The following GRM4 variants were observed in gnomAD, a reference collection of about 807,000 sequenced individuals.
GRM4 encodes the protein glutamate metabotropic receptor 4.
GRM4 carries 28 observed loss-of-function variants against 81.7 expected under a neutral mutation model. The ratio of observed to expected loss-of-function variants is 0.34; its 90% CI spans 0.25 to 0.47. GRM4 has a LOEUF of 0.47. Ranked by LOEUF, GRM4 falls within the 20% of genes least tolerant of loss-of-function variation. GRM4 has a pLI of 1.00. For synonymous variants in GRM4, 488 were observed against 528.8 expected (o/e 0.92, Z 1.06); for missense variants, 948 against 1,290.0 (o/e 0.73, Z 4.06).
intron 8 of GRM4, among the ~76,000 whole-genome samples, chr6:34,038,743 G>T (rs2499676): frequency 0.37 from 56,282 of 152,072 alleles, 13,930 homozygotes; most frequent in African/African-American, 0.71. Context: ...GAGGGCATTG[G>T]GAGCTGCATC....
chr6:34,036,269 T>C lies in GRM4; in HGVS notation c.1841A>G (p.Asp614Gly). ...GCCCGAGGCCTTGACGATGGGCGTG[T>C]CGTTGTAGCGCACAAAGGTGATCAC... ...FVVITFVRYN[D>G]TPIVKASGRE... Residue 614 changes from aspartate to glycine, a missense_variant, in exon 9 of 11, where the codon GAC becomes GGC. Transcript: ENST00000538487. This position sits in a 1 kb window ranked among gnomAD's most constrained non-coding sequence, Gnocchi z 9.0. The C allele has an allele frequency of 6.2e-7, 1 of 1,614,090 alleles. No homozygotes were observed. The highest frequency in any genetic ancestry group is 8.5e-7 in the Non-Finnish European group (1 of 1,180,006).
chr6:34,127,562 A>G (rs149219659), intron 2 of GRM4, among the ~76,000 whole-genome samples: 1 of 152,316 alleles, frequency 6.6e-6, no homozygotes, highest in African/African-American at 2.4e-5. Context: ...AGTGGATTCC[A>G]TCTGGGTTTT....
chr6:34,027,979 G>A, intron 10 of GRM4, 141 bp downstream of exon 10: 2 of 917,924 alleles, frequency 2.2e-6, no homozygotes, highest in South Asian at 1.7e-5. Context: ...TAGCCTCAGG[G>A]TTCCCCCAGT....
chr6:34,076,773 G>A (rs1324926489), intron 3 of GRM4, among the ~76,000 whole-genome samples: 1 of 152,148 alleles, frequency 6.6e-6, no homozygotes, highest in African/African-American at 2.4e-5. Flanking sequence ...TGAGCCTTGA[G>A]CTGAAGAAGT....
chr6:34,105,533 G>C (rs375973265), intron 2 of GRM4, among the ~76,000 whole-genome samples: 20 of 152,030 alleles, frequency 1.3e-4, no homozygotes, highest in Admixed American at 2.6e-4. Flanking sequence ...TTCCTTTGCT[G>C]TCCTGCCTCC....
chr6:34,059,330 C>T lies in GRM4; in HGVS notation c.873-202G>A, dbSNP rs557735636. The T allele has an allele frequency of 8.4e-6, 5 of 596,402 alleles. No individual in the cohort carries two copies. In the East Asian group the frequency reaches 1.4e-4, roughly 17 times the overall value. The allele number at this position is 596,402 out of a possible 1,614,324, so 36.9% of individuals were successfully genotyped here. A position where few individuals can be genotyped will look rare whatever the true frequency, so the allele number is the denominator to read the frequency against. ...CTGCTCATAGACCCATGGCTACCGC[C>T]TCATCCAACCTGCCTGCCCCTGGGC... On this transcript the variant is annotated intron_variant, in intron 4 of 10. Coordinates refer to ENST00000538487, the MANE Select transcript of GRM4 (RefSeq NM_000841.4). The surrounding 1 kb of genome is among the most constrained non-coding windows in gnomAD (Gnocchi z 5.7).
intron 3 of GRM4, chr6:34,091,572 A>C (rs937033): frequency 0.16 from 56,984 of 348,896 alleles, 7,419 homozygotes; most frequent in African/African-American, 0.44. Flanking sequence ...CCTCGTCCCC[A>C]CCCCATCCCT....
intron 2 of GRM4, among the ~76,000 whole-genome samples, chr6:34,094,727 C>T (rs1768417366): frequency 2.0e-5 from 3 of 152,318 alleles, no homozygotes; most frequent in East Asian, 1.9e-4. Context: ...CCTGCCTCCA[C>T]GCCCCTCCTG....
intron 2 of GRM4, among the ~76,000 whole-genome samples, chr6:34,108,018 C>T (rs1328779839): frequency 2.0e-5 from 3 of 152,234 alleles, no homozygotes; most frequent in Non-Finnish European, 4.4e-5. Context: ...CCCTCTGGGC[C>T]AAGCCCATTC....
chr6:34,028,137 T>C lies in GRM4; in HGVS notation c.2672A>G (p.Glu891Gly). 1 of 1,613,012 alleles carries C rather than the reference T, an allele frequency of 6.2e-7. No homozygotes were observed. Among genetic ancestry groups the C allele is most frequent in the South Asian group, 1.1e-5 (1 of 90,984 alleles). ...PNGEAKSELC[E>G]NLEAPALATK... The stretch of plus-strand genomic sequence containing the variant: ...GCACTCACCTGGGGCCTCAAGGTTC[T>C]CGCAGAGCTCAGACTTGGCCTCTCC... Residue 891 changes from glutamate to glycine, a missense_variant, in exon 10 of 11, where the codon GAG becomes GGG. Glu to Gly is a moderately conservative substitution (Grantham distance 98). Coordinates refer to ENST00000538487, the MANE Select transcript of GRM4 (RefSeq NM_000841.4).
chr6:34,100,175 G>T, intron 2 of GRM4: 1 of 337,136 alleles, frequency 3.0e-6, no homozygotes, highest in Non-Finnish European at 4.2e-6. Context: ...CCCACCTTGG[G>T]CCAGCCCAGA....
chr6:34,068,096 C>T lies in GRM4; in HGVS notation c.737-6068G>A, dbSNP rs949271398. The stretch of plus-strand genomic sequence containing the variant: ...CCTGCGTCCCAGGGTGGGAAGGAAC[C>T]GTAAACATCCTGGAATCGGTGCAGA... On this transcript the variant is annotated intron_variant, in intron 3 of 10. Coordinates refer to ENST00000538487, the MANE Select transcript of GRM4 (RefSeq NM_000841.4). This position sits in a 1 kb window ranked among gnomAD's most constrained non-coding sequence, Gnocchi z 4.2. Among the ~76,000 whole-genome samples, 8 of 152,198 alleles carry T rather than the reference C, an allele frequency of 5.3e-5. No individual in the cohort carries two copies. Among genetic ancestry groups the T allele is most frequent in the East Asian group, 3.9e-4 (2 of 5,190 alleles).
rs1768314120 is a variant in GRM4, at chr6:34,092,854, G to C, written c.520-755C>G. On this transcript the variant is annotated intron_variant, in intron 2 of 10. Coordinates refer to ENST00000538487, the MANE Select transcript of GRM4 (RefSeq NM_000841.4). The surrounding 1 kb of genome is among the most constrained non-coding windows in gnomAD (Gnocchi z 6.8). ...CCCCACCTGGACCCTCCCCAGGCAGGAATGAGACTCAGACCCCCTGCCTCC... is the reference window on the plus strand; with the variant it reads ...CCCCACCTGGACCCTCCCCAGGCAGCAATGAGACTCAGACCCCCTGCCTCC... 6.6e-6 allele frequency among the ~76,000 whole-genome samples: 1 copy of C among 152,098 alleles called. No homozygotes were observed. The highest frequency in any genetic ancestry group is 2.4e-5 in the African/African-American group (1 of 41,420).
rs1765286741 is a variant in GRM4, at chr6:34,044,903, CAG to C, written c.1169-4157_1169-4156del. Among the ~76,000 whole-genome samples the C allele has an allele frequency of 2.6e-5, 4 of 151,436 alleles. No individual in the cohort carries two copies. The South Asian group carries it at 8.3e-4, about 31-fold the overall frequency. On this transcript the variant is annotated intron_variant, in intron 6 of 10. Transcript: ENST00000538487. ...ATATACAGACATACACATACACACA[CAG>C]ACATACATACACATATATACACAGA...
intron 10 of GRM4, among the ~76,000 whole-genome samples, chr6:34,027,417 C>G (rs909568712): frequency 1.3e-5 from 2 of 152,154 alleles, no homozygotes; most frequent in African/African-American, 4.8e-5. Flanking sequence ...TGCCCTCCCC[C>G]ACCACAAAGC....
rs559821070 is a variant in GRM4, at chr6:34,083,674, C to G, written c.736+8209G>C. 2.0e-5 allele frequency among the ~76,000 whole-genome samples: 3 copies of G among 152,320 alleles called. No homozygotes were observed. In the South Asian group the frequency reaches 6.2e-4, roughly 32 times the overall value. ...CCTGGGAAAACACAACGTCAGAGGG[C>G]AGAGTGCTCAGCCTTGGGCCGCAGG... On this transcript the variant is annotated intron_variant, in intron 3 of 10. Coordinates refer to ENST00000538487, the MANE Select transcript of GRM4 (RefSeq NM_000841.4).
chr6:34,107,161 T>C (rs1769165549), intron 2 of GRM4, among the ~76,000 whole-genome samples: 1 of 152,192 alleles, frequency 6.6e-6, no homozygotes. Flanking sequence ...CTTTGCCTGA[T>C]TCCTGGCTGC....
intron 3 of GRM4, among the ~76,000 whole-genome samples, chr6:34,077,132 C>A (rs190161769): frequency 3.3e-5 from 5 of 152,220 alleles, no homozygotes; most frequent in African/African-American, 1.2e-4. Context: ...AGGGACTAGA[C>A]GCTCAAGTAA....
chr6:34,112,427 C>G (rs1769424293), intron 2 of GRM4, among the ~76,000 whole-genome samples: 1 of 152,136 alleles, frequency 6.6e-6, no homozygotes, highest in Non-Finnish European at 1.5e-5. Flanking sequence ...ACTGCCAGCT[C>G]TCTGCCAAAA....
Sources: gnomAD v4.1 joint callset for allele counts (sites outside exome capture counted in the v4.1 genomes callset) on GRCh38, gnomAD v4.1.1 for gene constraint, Gnocchi (gnomAD v3.1) non-coding constraint, MANE v1.5 for transcripts, NCBI Gene and HGNC (gene_info 2026-07-23, HGNC 2026-07-21) for gene names.